NBAS: variants seen among roughly 807,000 people sequenced by gnomAD.
NBAS encodes the protein NAG/BC035112 fusion.
In NBAS, 219 loss-of-function variants were observed where a neutral mutation model predicts 302.5. The observed-to-expected ratio is 0.72, with a 90% confidence interval of 0.65 to 0.81. NBAS has a LOEUF of 0.81. NBAS is among the 30% of genes least tolerant of loss of function. NBAS has a pLI of 0.00. For synonymous variants in NBAS, 1,118 were observed against 1,021.6 expected (o/e 1.09, Z -1.80); for missense variants, 2,932 against 2,841.6 (o/e 1.03, Z -0.72).
At chr2:15,271,084 T>C (rs968302478) in intron 44 of NBAS, among the ~76,000 whole-genome samples, 1 of 152,174 alleles carries the variant, frequency 6.6e-6, no homozygotes, top group Non-Finnish European at 1.5e-5. Context: ...CACTTTTTGG[T>C]CAAATTATGC....
At chr2:14,842,093 C>T in the NBAS span, among the ~76,000 whole-genome samples, 1 of 151,550 alleles carries the variant, frequency 6.6e-6, no homozygotes, top group Non-Finnish European at 1.5e-5. Context: ...ACTAATGGGT[C>T]AATGAATAAA....
the NBAS span, among the ~76,000 whole-genome samples, chr2:15,003,950 T>C: frequency 6.6e-6 from 1 of 152,246 alleles, no homozygotes; most frequent in Non-Finnish European, 1.5e-5. Context: ...TCGTGCAAGA[T>C]AAATCAACTT....
chr2:15,328,695 T>TA (rs1217950212), intron 36 of NBAS, among the ~76,000 whole-genome samples: 1 of 152,194 alleles, frequency 6.6e-6, no homozygotes, highest in African/African-American at 2.4e-5. Flanking sequence ...CTGCCCTCCT[T>TA]AAAAATCCTT....
At position 15,356,391 on chromosome 2, in the gene NBAS, T is replaced by TC. The variant is rs1176007591; in HGVS notation, c.3842dup (p.Gln1282ThrfsTer15). Reference sequence around the variant, plus strand: ...GCTCCACTAAAAGGATTAGAACCTGTCCCCGCCTTTCTTCTGGGTTCTCAC... The same window carrying TC: ...GCTCCACTAAAAGGATTAGAACCTGTCCCCCGCCTTTCTTCTGGGTTCTCAC... On this transcript the variant is annotated frameshift_variant, in exon 33 of 52. Coordinates refer to ENST00000281513, the MANE Select transcript of NBAS (RefSeq NM_015909.4). LOFTEE classifies it high-confidence loss of function. The TC allele has an allele frequency of 7.4e-6, 12 of 1,613,846 alleles. No individual in the cohort carries two copies. Among genetic ancestry groups the TC allele is most frequent in the Non-Finnish European group, 9.3e-6 (11 of 1,179,778 alleles).
At chr2:15,214,376 T>C (rs912454061) in intron 48 of NBAS, among the ~76,000 whole-genome samples, 20 of 152,172 alleles carry the variant, frequency 1.3e-4, no homozygotes, top group African/African-American at 4.1e-4. Context: ...AGCAATAAAA[T>C]AGACAGTGAC....
intron 48 of NBAS, among the ~76,000 whole-genome samples, chr2:15,199,949 T>C (rs1467739785): frequency 1.3e-5 from 2 of 148,492 alleles, no homozygotes; most frequent in African/African-American, 2.5e-5. Flanking sequence ...TTACCCAGGC[T>C]GGAGTGCAGT....
At chr2:14,859,228 A>G in the NBAS span, among the ~76,000 whole-genome samples, 3 of 152,072 alleles carry the variant, frequency 2.0e-5, no homozygotes, top group African/African-American at 4.8e-5. Flanking sequence ...CATGATTGGA[A>G]AAATTAATAT....
the NBAS span, among the ~76,000 whole-genome samples, chr2:14,837,533 C>A: frequency 6.6e-6 from 1 of 150,596 alleles, no homozygotes; most frequent in Non-Finnish European, 1.5e-5. Flanking sequence ...GCTGGAGGAG[C>A]CACTTGAGCC....
At chr2:14,871,255 C>T in the NBAS span, among the ~76,000 whole-genome samples, 1 of 151,192 alleles carries the variant, frequency 6.6e-6, no homozygotes. Context: ...GAAAATATGG[C>T]AAACGAAATG....
chr2:15,078,839 T>C, the NBAS span, among the ~76,000 whole-genome samples: 12 of 152,196 alleles, frequency 7.9e-5, no homozygotes, highest in Non-Finnish European at 1.6e-4. Flanking sequence ...GTCTTCTTGA[T>C]CACATAACAA....
intron 44 of NBAS, among the ~76,000 whole-genome samples, chr2:15,246,253 G>A (rs1668090298): frequency 6.6e-6 from 1 of 152,194 alleles, no homozygotes; most frequent in South Asian, 2.1e-4. Flanking sequence ...TGGAATCAGT[G>A]CAGGGGTTCA....
intron 6 of NBAS, among the ~76,000 whole-genome samples, chr2:15,542,355 T>C (rs1201427092): frequency 1.9e-5 from 2 of 104,530 alleles, no homozygotes; most frequent in Admixed American, 1.0e-4. Flanking sequence ...CTGAAACATG[T>C]GCTGTGTCCA....
chr2:15,544,828 G>A (rs1361091971), intron 6 of NBAS, among the ~76,000 whole-genome samples: 2 of 152,080 alleles, frequency 1.3e-5, no homozygotes, highest in East Asian at 1.9e-4. Flanking sequence ...TGTCCAAAAT[G>A]GTGAAATCCT....
At chr2:15,309,028 C>CATAA (rs34023135) in intron 39 of NBAS, 143 bp downstream of exon 39, 3,849 of 352,166 alleles carry the variant, frequency 0.011, 84 homozygotes, top group African/African-American at 0.057. Context: ...ATAATAAATA[C>CATAA]ATAAATAAAT....
At chr2:14,836,542 C>A in the NBAS span, among the ~76,000 whole-genome samples, 1 of 151,866 alleles carries the variant, frequency 6.6e-6, no homozygotes, top group Non-Finnish European at 1.5e-5. Flanking sequence ...AGTGCTCTTC[C>A]GTGTGCGTGA....
chr2:14,902,142 A>AT, the NBAS span, among the ~76,000 whole-genome samples: 1 of 151,880 alleles, frequency 6.6e-6, no homozygotes, highest in East Asian at 1.9e-4. Flanking sequence ...TTTCTCTTTC[A>AT]TTTTTTTGAG....
chr2:15,069,442 C>T, the NBAS span, among the ~76,000 whole-genome samples: 2 of 152,102 alleles, frequency 1.3e-5, no homozygotes, highest in African/African-American at 4.8e-5. Context: ...TCCAAGACTC[C>T]TAAGTCATGC....
chr2:15,049,269 T>C, the NBAS span, among the ~76,000 whole-genome samples: 125,310 of 152,200 alleles, frequency 0.82, 51,932 homozygotes, highest in East Asian at 0.99. Flanking sequence ...ACTCCCTGAG[T>C]CAGGCTTTGG....
the NBAS span, among the ~76,000 whole-genome samples, chr2:15,151,554 C>A: frequency 6.6e-6 from 1 of 152,214 alleles, no homozygotes; most frequent in Non-Finnish European, 1.5e-5. Flanking sequence ...TCTGGACTAC[C>A]TGTTGGCTGA....
Sources: allele counts gnomAD v4.1 joint callset (sites outside exome capture counted in the v4.1 genomes callset), GRCh38; gene constraint gnomAD v4.1.1; transcripts MANE v1.5; gene names NCBI Gene and HGNC (gene_info 2026-07-23, HGNC 2026-07-21).